The following MACROD2 variants were observed in gnomAD, a reference collection of about 807,000 sequenced individuals.
MACROD2 encodes the protein mono-ADP ribosylhydrolase 2, also known as ADP-ribose glycohydrolase MACROD2.
Under a neutral mutation model 70.4 loss-of-function variants are expected in MACROD2, and 36 were observed. The ratio of observed to expected loss-of-function variants is 0.51; its 90% confidence interval spans 0.39 to 0.68. The LOEUF (loss-of-function observed/expected upper bound fraction) is 0.68, where lower values mean the gene tolerates loss of function less well. MACROD2 is among the 30% of genes least tolerant of loss of function. The pLI is 0.00. For missense variants in MACROD2, 496 were observed against 538.4 expected (o/e 0.92, Z 0.78); for synonymous variants, 172 against 178.8 (o/e 0.96, Z 0.30).
At chr20:15,528,557 A>G (rs889725883) in intron 8 of MACROD2, among the ~76,000 whole-genome samples, 1 of 152,174 alleles carries the variant, frequency 6.6e-6, no homozygotes, top group African/African-American at 2.4e-5. Context: ...TGGAGCACAG[A>G]ATCCTTGGGA....
chr20:15,407,843 A>G (rs1250191282), intron 6 of MACROD2, among the ~76,000 whole-genome samples: 1 of 152,220 alleles, frequency 6.6e-6, no homozygotes, highest in Non-Finnish European at 1.5e-5. Flanking sequence ...ACTGGGGAAG[A>G]AGTTTACAGA....
intron 5 of MACROD2, among the ~76,000 whole-genome samples, chr20:14,786,527 A>T (rs2072376567): frequency 6.6e-6 from 1 of 151,504 alleles, no homozygotes; most frequent in African/African-American, 2.4e-5. Flanking sequence ...AGCTGAATCC[A>T]CTTTTAAACT....
chr20:14,144,377 T>C (rs1406956766), intron 3 of MACROD2, among the ~76,000 whole-genome samples: 1 of 152,224 alleles, frequency 6.6e-6, no homozygotes, highest in Non-Finnish European at 1.5e-5. Flanking sequence ...TAGGGCTATC[T>C]GACCTTCTAG....
intron 3 of MACROD2, among the ~76,000 whole-genome samples, chr20:14,298,045 A>G (rs994058798): frequency 2.6e-5 from 4 of 151,942 alleles, no homozygotes; most frequent in African/African-American, 4.9e-5. Context: ...ATGATAGCAC[A>G]TCTGTTTACA....
chr20:14,156,647 T>C (rs1274014240), intron 3 of MACROD2, among the ~76,000 whole-genome samples: 2 of 152,244 alleles, frequency 1.3e-5, no homozygotes, highest in Non-Finnish European at 2.9e-5. Flanking sequence ...GCTGTTTTTA[T>C]ATTTAAATTG....
intron 5 of MACROD2, among the ~76,000 whole-genome samples, chr20:14,873,180 G>C (rs1386349080): frequency 6.6e-6 from 1 of 152,156 alleles, no homozygotes; most frequent in Non-Finnish European, 1.5e-5. Context: ...CTCAACGCAT[G>C]CACAGAATGT....
intron 3 of MACROD2, among the ~76,000 whole-genome samples, chr20:14,248,706 T>C (rs2081987015): frequency 6.6e-6 from 1 of 152,132 alleles, no homozygotes; most frequent in South Asian, 2.1e-4. Context: ...CCAGGATATC[T>C]CATTATGTAT....
intron 10 of MACROD2, among the ~76,000 whole-genome samples, chr20:15,915,561 GA>G (rs2065302123): frequency 6.6e-6 from 1 of 152,196 alleles, no homozygotes; most frequent in South Asian, 2.1e-4. Context: ...GATTATTTAT[GA>G]AACTCTTCTC....
chr20:15,107,340 G>A (rs2075918684), intron 5 of MACROD2, among the ~76,000 whole-genome samples: 1 of 151,810 alleles, frequency 6.6e-6, no homozygotes, highest in Non-Finnish European at 1.5e-5. Context: ...AGGAAGCTGA[G>A]CTGACACATA....
chr20:15,776,357 A>G (rs1211937694), intron 8 of MACROD2, among the ~76,000 whole-genome samples: 2 of 152,060 alleles, frequency 1.3e-5, no homozygotes, highest in Admixed American at 1.3e-4. Flanking sequence ...CTCTCCCAAA[A>G]TATTCTCCAG....
At chr20:14,096,065 T>C (rs981565016) in intron 3 of MACROD2, among the ~76,000 whole-genome samples, 10 of 152,192 alleles carry the variant, frequency 6.6e-5, no homozygotes, top group African/African-American at 2.4e-4. Flanking sequence ...TAGATAGGTA[T>C]AAATAAAAGG....
At chr20:15,555,439 C>T (rs191029408) in intron 8 of MACROD2, among the ~76,000 whole-genome samples, 21 of 152,174 alleles carry the variant, frequency 1.4e-4, no homozygotes, top group African/African-American at 4.8e-4. Context: ...ATACTTCTGG[C>T]ATGATCTAGC....
intron 15 of MACROD2, among the ~76,000 whole-genome samples, chr20:16,006,291 A>G (rs903881409): frequency 2.0e-5 from 3 of 152,126 alleles, no homozygotes; most frequent in African/African-American, 7.2e-5. Flanking sequence ...TCAAGGGGCC[A>G]TTTTTGGGGA....
intron 6 of MACROD2, among the ~76,000 whole-genome samples, chr20:15,310,038 G>C (rs2146144822): frequency 6.6e-6 from 1 of 152,208 alleles, no homozygotes; most frequent in South Asian, 2.1e-4. Flanking sequence ...TTTAATGTCT[G>C]TGTTTTACTA....
intron 5 of MACROD2, among the ~76,000 whole-genome samples, chr20:14,725,363 G>A (rs1251690723): frequency 6.6e-6 from 1 of 152,054 alleles, no homozygotes; most frequent in Non-Finnish European, 1.5e-5. Context: ...AGCAGAGAAT[G>A]GAGATGGAAA....
chr20:15,699,692 A>T (rs970421721), intron 8 of MACROD2, among the ~76,000 whole-genome samples: 1 of 152,164 alleles, frequency 6.6e-6, no homozygotes, highest in Admixed American at 6.5e-5. Flanking sequence ...GCTGCGAAAG[A>T]AAGGGCTTTA....
At chr20:14,029,814 C>T (rs1228771552) in intron 2 of MACROD2, among the ~76,000 whole-genome samples, 2 of 152,146 alleles carry the variant, frequency 1.3e-5, no homozygotes, top group African/African-American at 4.8e-5. Flanking sequence ...GTGGCCTTCT[C>T]TTTTCAGATA....
intron 16 of MACROD2, among the ~76,000 whole-genome samples, chr20:16,043,924 T>C (rs1601373412): frequency 6.6e-6 from 1 of 152,108 alleles, no homozygotes; most frequent in African/African-American, 2.4e-5. Flanking sequence ...ATCCAAACTG[T>C]CAACCCAAAA....
At chr20:15,240,351 C>A (rs763045822) in intron 6 of MACROD2, among the ~76,000 whole-genome samples, 1 of 152,182 alleles carries the variant, frequency 6.6e-6, no homozygotes, top group Middle Eastern at 3.4e-3. Flanking sequence ...TTTTTATTTT[C>A]TTCTATAGAA....
Sources: allele counts gnomAD v4.1 joint callset (sites outside exome capture counted in the v4.1 genomes callset), GRCh38; gene constraint gnomAD v4.1.1; transcripts MANE v1.5; gene names NCBI Gene and HGNC (gene_info 2026-07-23, HGNC 2026-07-21).